Variants in BLTP3B observed in about 807,000 individuals in gnomAD.
The protein encoded by BLTP3B is UHRF1 (ICBP90) binding protein 1-like.
chr12:100,135,210 C>A, the BLTP3B span, among the ~76,000 whole-genome samples: 1 of 152,074 alleles, frequency 6.6e-6, no homozygotes, highest in South Asian at 2.1e-4. Flanking sequence ...CAGTTCTGGA[C>A]CCTTTGCATT....
At chr12:100,051,467 G>A in the BLTP3B span, 1 of 326,428 alleles carries the variant, frequency 3.1e-6, no homozygotes, top group Non-Finnish European at 5.5e-6. Flanking sequence ...AGCCATCACA[G>A]ATCAATACTT....
At chr12:100,121,354 GAA>G in the BLTP3B span, among the ~76,000 whole-genome samples, 12 of 97,106 alleles carry the variant, frequency 1.2e-4, no homozygotes, top group South Asian at 3.5e-4. Flanking sequence ...CCATCTCATG[GAA>G]AAAAAAAAAA....
At chr12:100,104,601 C>A in the BLTP3B span, among the ~76,000 whole-genome samples, 251 of 151,692 alleles carry the variant, frequency 1.7e-3, 4 homozygotes, top group East Asian at 0.01. Context: ...CCTGTTTAAT[C>A]CTAAAATTCT....
chr12:100,121,628 T>C, the BLTP3B span, among the ~76,000 whole-genome samples: 3,301 of 151,930 alleles, frequency 0.022, 41 homozygotes, highest in African/African-American at 0.034. Flanking sequence ...GTCGGGAGTT[T>C]GAGACCAGTC....
chr12:100,128,808 T>G, the BLTP3B span: 1 of 1,151,704 alleles, frequency 8.7e-7, no homozygotes, highest in Non-Finnish European at 1.1e-6. Context: ...TTAAAAAAAT[T>G]TAGCTGTGGT....
chr12:100,124,686 C>T, the BLTP3B span, among the ~76,000 whole-genome samples: 2 of 151,356 alleles, frequency 1.3e-5, no homozygotes, highest in Non-Finnish European at 2.9e-5. Flanking sequence ...GCAGAGGTTG[C>T]AGTGAGCCAA....
chr12:100,086,250 C>A, the BLTP3B span: 1 of 1,310,884 alleles, frequency 7.6e-7, no homozygotes, highest in Non-Finnish European at 1.0e-6. Flanking sequence ...ACATTTATAT[C>A]TTTTAAAGAT....
At chr12:100,060,164 T>C in the BLTP3B span, 1 of 814,948 alleles carries the variant, frequency 1.2e-6, no homozygotes, top group Non-Finnish European at 1.8e-6. Context: ...ATTTGAGGTA[T>C]TATTTACAAA....
chr12:100,038,658 A>G, the BLTP3B span, among the ~76,000 whole-genome samples: 1 of 152,064 alleles, frequency 6.6e-6, no homozygotes, highest in Non-Finnish European at 1.5e-5. Context: ...TAGATGGCCA[A>G]TACGTCTCCT....
At chr12:100,120,147 C>T in the BLTP3B span, among the ~76,000 whole-genome samples, 6 of 152,108 alleles carry the variant, frequency 3.9e-5, no homozygotes, top group East Asian at 1.9e-4. Context: ...GAGGCCTAGG[C>T]GGGCGGATCA....
At chr12:100,103,805 G>T in the BLTP3B span, 4 of 959,606 alleles carry the variant, frequency 4.2e-6, no homozygotes, top group Admixed American at 9.2e-5. Flanking sequence ...AACCTAACTG[G>T]TGAAAAATCC....
the BLTP3B span, among the ~76,000 whole-genome samples, chr12:100,127,624 C>G: frequency 1.3e-5 from 2 of 152,160 alleles, no homozygotes; most frequent in Non-Finnish European, 2.9e-5. Context: ...TTCCAATAAC[C>G]TGGTTTTATA....
At chr12:100,081,666 T>C in the BLTP3B span, among the ~76,000 whole-genome samples, 1 of 152,188 alleles carries the variant, frequency 6.6e-6, no homozygotes, top group Non-Finnish European at 1.5e-5. Context: ...GAATATGCAA[T>C]ATTTGGTTTT....
At chr12:100,097,997 G>C in the BLTP3B span, among the ~76,000 whole-genome samples, 2 of 152,080 alleles carry the variant, frequency 1.3e-5, no homozygotes, top group Non-Finnish European at 2.9e-5. Context: ...CAGGTGGATA[G>C]CTTGAGCCCA....
the BLTP3B span, among the ~76,000 whole-genome samples, chr12:100,110,962 G>A: frequency 3.0e-4 from 46 of 152,248 alleles, no homozygotes; most frequent in African/African-American, 1.1e-3. Context: ...GGGGATGGAG[G>A]TGAAGCATGG....
chr12:100,098,675 G>A, the BLTP3B span: 4 of 875,758 alleles, frequency 4.6e-6, no homozygotes, highest in Non-Finnish European at 6.6e-6. Flanking sequence ...GCTGAGGCAG[G>A]CAGATCACTT....
chr12:100,045,475 G>GA, the BLTP3B span, among the ~76,000 whole-genome samples: 1 of 152,066 alleles, frequency 6.6e-6, no homozygotes, highest in Non-Finnish European at 1.5e-5. Flanking sequence ...CAAGCAATAG[G>GA]GAAAGGATTC....
the BLTP3B span, chr12:100,039,820 A>T: frequency 2.6e-6 from 4 of 1,567,662 alleles, no homozygotes; most frequent in Non-Finnish European, 3.5e-6. Flanking sequence ...CTCAGATAAC[A>T]TTTCCAAATA....
the BLTP3B span, chr12:100,047,788 CA>C: frequency 3.6e-6 from 4 of 1,110,916 alleles, no homozygotes; most frequent in East Asian, 2.6e-5. Context: ...TCCTAATTTC[CA>C]AAAAAGATCT....
Sources: gnomAD v4.1 joint callset for allele counts (sites outside exome capture counted in the v4.1 genomes callset) on GRCh38, gnomAD v4.1.1 for gene constraint, MANE v1.5 for transcripts, NCBI Gene and HGNC (gene_info 2026-07-23, HGNC 2026-07-21) for gene names.